The following ACOX1 variants were observed in gnomAD, a reference collection of about 807,000 sequenced individuals.
ACOX1 encodes acyl-CoA oxidase 1, also known as peroxisomal acyl-coenzyme A oxidase 1.
ACOX1 carries 41 observed loss-of-function variants against 75.5 expected under a neutral mutation model. The observed-to-expected ratio is 0.54, with a 90% CI of 0.42 to 0.70. ACOX1 has a LOEUF of 0.70. ACOX1 is among the 30% of genes least tolerant of loss of function. The pLI is 0.00. For missense variants in ACOX1, 630 were observed against 837.5 expected (o/e 0.75, Z 3.06); for synonymous variants, 303 against 298.8 (o/e 1.01, Z -0.15).
intron 2 of ACOX1, among the ~76,000 whole-genome samples, chr17:75,972,602 G>C (rs2066007206): frequency 7.2e-6 from 1 of 139,806 alleles, no homozygotes; most frequent in South Asian, 2.2e-4. Context: ...CTGAGATCAT[G>C]CCATTGCACT....
At position 75,945,847 on chromosome 17, in the gene ACOX1, T is replaced by C. The variant is rs921289682; in HGVS notation, c.*901A>G. Reference sequence around the variant, plus strand: ...TGAACCAAAAATCAGAACACATGGTTTGTGTCAAAGGGTTTTTCTGTGCTA... The same window carrying C: ...TGAACCAAAAATCAGAACACATGGTCTGTGTCAAAGGGTTTTTCTGTGCTA... On this transcript the variant is annotated 3_prime_UTR_variant, in exon 14 of 14. Transcript: ENST00000293217. 2.0e-5 allele frequency: 3 copies of C among 152,662 alleles called. No individual in the cohort carries two copies. The highest frequency in any genetic ancestry group is 7.2e-5 in the African/African-American group (3 of 41,432). 9.5% of individuals were successfully genotyped at this position (152,662 alleles called of 1,614,324 possible). A position where few individuals can be genotyped will look rare whatever the true frequency, so the allele number is the denominator to read the frequency against.
Position 75,978,508 on chromosome 17 carries a change from C to G in ACOX1, c.269+26G>C. 6.2e-7 allele frequency: 1 copy of G among 1,614,154 alleles called. No homozygotes were observed. The highest frequency in any genetic ancestry group is 8.5e-7 in the Non-Finnish European group (1 of 1,180,006). On this transcript the variant is annotated intron_variant, in intron 2 of 13. Transcript: ENST00000293217. This position sits in a 1 kb window ranked among gnomAD's most constrained non-coding sequence, Gnocchi z 4.2. ...GCTGTAAAGTTTAGGCTTAACAACA[C>G]TTGCTCTGTTCTAAGGCATACCTAC...
chr17:75,951,736 G>C (rs2065776024), intron 7 of ACOX1, among the ~76,000 whole-genome samples, 159 bp from the exon 8 acceptor site: 1 of 151,480 alleles, frequency 6.6e-6, no homozygotes, highest in Non-Finnish European at 1.5e-5. Context: ...TTACAAATGG[G>C]AAACTGAGAG....
At chr17:75,969,145 A>G (rs1195135345) in intron 2 of ACOX1, among the ~76,000 whole-genome samples, 1 of 152,084 alleles carries the variant, frequency 6.6e-6, no homozygotes, top group Non-Finnish European at 1.5e-5. Context: ...ACCCCAAAGA[A>G]TACAGCGTCT....
At chr17:75,956,426 C>G (rs760006766) in intron 4 of ACOX1, among the ~76,000 whole-genome samples, 1 of 152,044 alleles carries the variant, frequency 6.6e-6, no homozygotes, top group African/African-American at 2.4e-5. Context: ...CACGGTGGCT[C>G]GCGCCTGTAA....
chr17:75,949,145 C>T, intron 12 of ACOX1, 72 bp downstream of exon 12: 1 of 1,578,146 alleles, frequency 6.3e-7, no homozygotes, highest in Non-Finnish European at 8.7e-7. Flanking sequence ...CAGGCATGAG[C>T]CACCGTGCCC....
intron 2 of ACOX1, among the ~76,000 whole-genome samples, chr17:75,976,396 C>G (rs912640075): frequency 6.6e-6 from 1 of 152,044 alleles, no homozygotes; most frequent in African/African-American, 2.4e-5. Context: ...ATGCACTGCA[C>G]CACCCATTCA....
At chr17:75,954,860 G>A (rs1247263954) in intron 6 of ACOX1, among the ~76,000 whole-genome samples, 4 of 151,080 alleles carry the variant, frequency 2.6e-5, no homozygotes, top group African/African-American at 4.9e-5. Context: ...ATGAGCCACC[G>A]CGCCCAGCCT....
rs778574696 is a variant in ACOX1 at position 75,948,242 on chromosome 17, G to A, written c.1935+9C>T. ...CTTTTAAAAAGGTGCAGAGACACTGGATTTTTACCTCTGCTTTGTTCAGTG... is the reference window on the plus strand; with the variant it reads ...CTTTTAAAAAGGTGCAGAGACACTGAATTTTTACCTCTGCTTTGTTCAGTG... On this transcript the variant is annotated intron_variant, in intron 13 of 13. Coordinates refer to ENST00000293217, the MANE Select transcript of ACOX1 (RefSeq NM_004035.7). The A allele has an allele frequency of 1.9e-6, 3 of 1,613,708 alleles. No individual in the cohort carries two copies. In the South Asian group the frequency reaches 3.3e-5, roughly 18 times the overall value.
At chr17:75,953,004 G>A (rs973676972) in intron 7 of ACOX1, among the ~76,000 whole-genome samples, 11 of 152,026 alleles carry the variant, frequency 7.2e-5, no homozygotes, top group Non-Finnish European at 1.2e-4. Context: ...AGTAAAAAGA[G>A]TATCAGGGAG....
chr17:75,972,367 C>T (rs1441365143), intron 2 of ACOX1, among the ~76,000 whole-genome samples: 1 of 149,498 alleles, frequency 6.7e-6, no homozygotes, highest in Non-Finnish European at 1.5e-5. Flanking sequence ...CAGCCAGGCG[C>T]GGTGGCTCAC....
At position 75,978,706 on chromosome 17, in the gene ACOX1, T is replaced by G; in HGVS notation, c.110-13A>C. 2 of 1,613,074 alleles carry G rather than the reference T, an allele frequency of 1.2e-6. No individual in the cohort carries two copies. The highest frequency in any genetic ancestry group is 1.7e-6 in the Non-Finnish European group (2 of 1,180,024). Reference sequence around the variant, plus strand: ...AGGATCATGTTCTCTGAAAGGGGGTTAAAGGGCATTAAAAGGCAGACAGAC... The same window carrying G: ...AGGATCATGTTCTCTGAAAGGGGGTGAAAGGGCATTAAAAGGCAGACAGAC... On this transcript the variant is annotated splice_polypyrimidine_tract_variant and intron_variant, in intron 1 of 13. Transcript: ENST00000293217. This position sits in a 1 kb window ranked among gnomAD's most constrained non-coding sequence, Gnocchi z 4.2.
chr17:75,942,133 G>A lies in ACOX1; in HGVS notation c.*4615C>T, dbSNP rs977499451. The A allele has an allele frequency of 6.6e-6, 1 of 152,046 alleles. No homozygotes were observed. Among genetic ancestry groups the A allele is most frequent in the Non-Finnish European group, 1.5e-5 (1 of 68,024 alleles). 9.4% of individuals were successfully genotyped at this position (152,046 alleles called of 1,614,324 possible). ...AGTACTGGAAAATTTAGTAAGTGTG[G>A]ACAGTTAAAAACACTGGCCCGGCAC... On this transcript the variant is annotated 3_prime_UTR_variant, in exon 14 of 14. Coordinates refer to ENST00000293217, the MANE Select transcript of ACOX1 (RefSeq NM_004035.7).
intron 13 of ACOX1, among the ~76,000 whole-genome samples, chr17:75,947,590 G>A (rs1210843622): frequency 1.3e-5 from 2 of 152,102 alleles, no homozygotes; most frequent in African/African-American, 4.8e-5. Flanking sequence ...AGGTTCAGAT[G>A]AAACACAACT....
intron 4 of ACOX1, 26 bp downstream of exon 4, chr17:75,957,433 C>A (rs763385364): frequency 6.4e-7 from 1 of 1,568,872 alleles, no homozygotes; most frequent in Non-Finnish European, 8.8e-7. Flanking sequence ...TCAAAACATC[C>A]AATAAATGCT....
chr17:75,976,319 C>T (rs980059460), intron 2 of ACOX1, among the ~76,000 whole-genome samples: 1 of 152,096 alleles, frequency 6.6e-6, no homozygotes, highest in African/African-American at 2.4e-5. Flanking sequence ...TCATTGTGAC[C>T]TCACTCGAGT....
chr17:75,977,544 C>T (rs1817798726), intron 2 of ACOX1, among the ~76,000 whole-genome samples: 1 of 151,888 alleles, frequency 6.6e-6, no homozygotes, highest in African/African-American at 2.4e-5. Flanking sequence ...GCAGCCTGGG[C>T]GACAGAGCGA....
chr17:75,962,869 C>T (rs1191153020), intron 2 of ACOX1, among the ~76,000 whole-genome samples: 2 of 152,098 alleles, frequency 1.3e-5, no homozygotes, highest in African/African-American at 4.8e-5. Context: ...CGGTGGCTCA[C>T]GCCTGTAATC....
chr17:75,946,882 T>TTTTTG (rs2065725440), intron 13 of ACOX1, 87 bp from the exon 14 acceptor site: 18 of 1,292,124 alleles, frequency 1.4e-5, no homozygotes, highest in Non-Finnish European at 2.0e-5. Flanking sequence ...TTTTGTTTTT[T>TTTTTG]TTTTGAGACT....
Sources: gnomAD v4.1 joint callset for allele counts (sites outside exome capture counted in the v4.1 genomes callset) on GRCh38, gnomAD v4.1.1 for gene constraint, Gnocchi (gnomAD v3.1) non-coding constraint, MANE v1.5 for transcripts, NCBI Gene and HGNC (gene_info 2026-07-23, HGNC 2026-07-21) for gene names.